Variants in BSPRY observed in about 807,000 individuals in gnomAD.
BSPRY encodes B box and SPRY domain-containing protein.
Under a neutral mutation model 38.0 loss-of-function variants are expected in BSPRY, and 33 were observed. The ratio of observed to expected loss-of-function variants is 0.87; its 90% CI spans 0.66 to 1.16. BSPRY has a LOEUF of 1.16. Ranked by LOEUF, BSPRY falls within the 50% of genes most tolerant of loss-of-function variation. The probability of loss-of-function intolerance (pLI) is 0.00; values close to 1 mark genes in which losing one functional copy is unlikely to be tolerated. For missense variants in BSPRY, 523 were observed against 533.2 expected, an observed-to-expected ratio of 0.98 and a Z score of 0.19; for synonymous variants, 224 against 228.5, an observed-to-expected ratio of 0.98 and a Z score of 0.18.
At chr9:113,364,267 C>T (rs1834208417) in intron 4 of BSPRY, among the ~76,000 whole-genome samples, 1 of 152,218 alleles carries the variant, frequency 6.6e-6, no homozygotes, top group Admixed American at 6.5e-5. Flanking sequence ...TCTGGGACAT[C>T]TTTCCACATC....
At chr9:113,363,750 T>C (rs59285217) in intron 4 of BSPRY, among the ~76,000 whole-genome samples, 19,869 of 150,842 alleles carry the variant, frequency 0.13, 3,091 homozygotes, top group African/African-American at 0.38. Context: ...TGGTGGTGTG[T>C]GCCTGTAGTC....
chr9:113,365,490 C>T (rs1201998639), intron 4 of BSPRY, among the ~76,000 whole-genome samples: 1 of 152,176 alleles, frequency 6.6e-6, no homozygotes, highest in African/African-American at 2.4e-5. Flanking sequence ...TTGAAAAGTT[C>T]CCATCATTCT....
chr9:113,366,842 A>G (rs749808906), intron 4 of BSPRY, among the ~76,000 whole-genome samples: 1 of 152,252 alleles, frequency 6.6e-6, no homozygotes, highest in Non-Finnish European at 1.5e-5. Flanking sequence ...GAACAGTGAC[A>G]GTCTTGCAAA....
At chr9:113,354,888 G>A (rs890191863) in intron 2 of BSPRY, among the ~76,000 whole-genome samples, 9 of 151,886 alleles carry the variant, frequency 5.9e-5, no homozygotes, top group African/African-American at 1.7e-4. Flanking sequence ...TTTTGAGATG[G>A]GGCCTCACTC....
At chr9:113,362,495 G>C in intron 4 of BSPRY, 101 bp downstream of exon 4, 3 of 1,302,244 alleles carry the variant, frequency 2.3e-6, no homozygotes, top group Admixed American at 1.7e-5. Context: ...AGAATGCACA[G>C]GGTGTGCAGC....
At chr9:113,367,590 C>T (rs753810716) in intron 4 of BSPRY, among the ~76,000 whole-genome samples, 20 of 152,300 alleles carry the variant, frequency 1.3e-4, no homozygotes, top group Non-Finnish European at 2.4e-4. Flanking sequence ...GAAAGACTAT[C>T]GTGCAGGGGT....
At position 113,369,659 on chromosome 9, in the gene BSPRY, C is replaced by T. The variant is rs1395158742; in HGVS notation, c.726C>T (p.Phe242=). 2 of 1,614,004 alleles carry T rather than the reference C, an allele frequency of 1.2e-6. No individual in the cohort carries two copies. Among genetic ancestry groups the T allele is most frequent in the Non-Finnish European group, 1.7e-6 (2 of 1,179,998 alleles). The change falls in exon 6 of 6, where the codon TTC becomes TTT. Residue 242 remains phenylalanine, a synonymous_variant. Transcript: ENST00000374183. ...IRIDERTVSP[F]LQLSDDRKTL... is the part of the protein sequence containing the mutation. Reference sequence around the variant, plus strand: ...TCGATGAGAGGACAGTCAGCCCCTTCCTGCAATTGTCAGATGATCGAAAGA... The same window carrying T: ...TCGATGAGAGGACAGTCAGCCCCTTTCTGCAATTGTCAGATGATCGAAAGA...
rs1834317089 is a variant in BSPRY at position 113,369,950 on chromosome 9, T to C, written c.1017T>C (p.Asn339=). The C allele has an allele frequency of 1.9e-6, 3 of 1,614,042 alleles. No individual in the cohort carries two copies. Among genetic ancestry groups the C allele is most frequent in the Admixed American group, 1.7e-5 (1 of 60,004 alleles). The change falls in exon 6 of 6, where the codon AAT becomes AAC. Residue 339 remains asparagine (N), a synonymous_variant. Coordinates refer to ENST00000374183, the MANE Select transcript of BSPRY (RefSeq NM_017688.3). ...ATCAGGAGTTTCGTTTCTCACACAA[T>C]GGGCAGCACGAGCCCCTGGGGCTGC... ...RYDQEFRFSH[N]GQHEPLGLLR...
In BSPRY at chr9:113,369,759, C is replaced by G; in HGVS notation, c.826C>G (p.Leu276Val). Residue 276 changes from leucine (L) to valine (V), a missense_variant, in exon 6 of 6, where the codon CTG becomes GTG. Physicochemically the swap from Leu to Val is conservative, Grantham distance 32 (BLOSUM62 1). Transcript: ENST00000374183. ...GCGCTTCGACCACTGGCCCAATGCC[C>G]TGGCTGCCACCTCCTTCCAGAATGG... The part of the protein sequence containing the change: ...PERFDHWPNA[L>V]AATSFQNGLH... 6.2e-7 allele frequency: 1 copy of G among 1,614,268 alleles called. No homozygotes were observed. The highest frequency in any genetic ancestry group is 8.5e-7 in the Non-Finnish European group (1 of 1,180,048).
chr9:113,359,339 A>G (rs1366998330), intron 2 of BSPRY, among the ~76,000 whole-genome samples: 1 of 152,214 alleles, frequency 6.6e-6, no homozygotes, highest in Non-Finnish European at 1.5e-5. Flanking sequence ...CCTCAAGAGC[A>G]CACTATAAAC....
In BSPRY at chr9:113,370,278, G is replaced by A. The variant is rs1374332569; in HGVS notation, c.*136G>A. 1.1e-5 allele frequency: 12 copies of A among 1,080,208 alleles called. No homozygotes were observed. The highest frequency in any genetic ancestry group is 2.6e-5 in the East Asian group (1 of 38,176). The allele number at this position is 1,080,208 out of a possible 1,614,324, so 66.9% of individuals were successfully genotyped here. A position where few individuals can be genotyped will look rare whatever the true frequency, so the allele number is the denominator to read the frequency against. On this transcript the variant is annotated 3_prime_UTR_variant, in exon 6 of 6. Transcript: ENST00000374183. The surrounding 1 kb of genome is among the most constrained non-coding windows in gnomAD (Gnocchi z 4.8). ...CCATAACCAGTGGGCAGCTTTAGGA[G>A]GGATGGGGATCTGTTTCAGATCTAG... is the stretch of plus-strand genomic sequence containing the variant.
intron 4 of BSPRY, among the ~76,000 whole-genome samples, chr9:113,364,589 G>A (rs1042862330): frequency 5.9e-5 from 9 of 151,808 alleles, no homozygotes; most frequent in South Asian, 2.1e-4. Context: ...CGAGCTTCAC[G>A]TAGAAAATAT....
rs1480517867 is a variant in BSPRY at position 113,370,102 on chromosome 9, T to C, written c.1169T>C (p.Val390Ala). 6.2e-7 allele frequency: 1 copy of C among 1,602,370 alleles called. No homozygotes were observed. The highest frequency in any genetic ancestry group is 8.5e-7 in the Non-Finnish European group (1 of 1,174,384). ...TCCTTCCCGGGGCCCCTCTTCCCAG[T>C]CTTTGCTGTGGCCGATCAGACCATT... ...HVSFPGPLFP[V>A]FAVADQTISI... Residue 390 changes from valine to alanine, a missense_variant, in exon 6 of 6, where the codon GTC becomes GCC. Coordinates refer to ENST00000374183, the MANE Select transcript of BSPRY (RefSeq NM_017688.3). This position sits in a 1 kb window ranked among gnomAD's most constrained non-coding sequence, Gnocchi z 4.8.
At chr9:113,362,419 C>T in intron 4 of BSPRY, 25 bp downstream of exon 4, 3 of 1,613,006 alleles carry the variant, frequency 1.9e-6, no homozygotes, top group South Asian at 2.2e-5. Context: ...CGTGATTTGA[C>T]TGGGTAGTCT....
chr9:113,368,460 C>T (rs1474334242), intron 5 of BSPRY, 77 bp downstream of exon 5: 1 of 1,540,078 alleles, frequency 6.5e-7, no homozygotes, highest in East Asian at 2.3e-5. Flanking sequence ...TCCTGGTTCA[C>T]AATGGGGACC....
intron 1 of BSPRY, 81 bp from the exon 2 acceptor site, chr9:113,354,159 G>T (rs1037511315): frequency 1.7e-6 from 2 of 1,183,520 alleles, no homozygotes; most frequent in East Asian, 4.8e-5. Context: ...CTGACATGTG[G>T]TAACAGGAGA....
chr9:113,361,539 A>G (rs540567092), intron 3 of BSPRY, among the ~76,000 whole-genome samples: 44 of 152,192 alleles, frequency 2.9e-4, no homozygotes, highest in Non-Finnish European at 5.9e-4. Flanking sequence ...AGAGGAACTC[A>G]CCCATGCTAG....
At chr9:113,362,172 T>TGG (rs1036207676) in intron 3 of BSPRY, among the ~76,000 whole-genome samples, 197 bp from the exon 4 acceptor site, 13 of 133,382 alleles carry the variant, frequency 9.7e-5, no homozygotes, top group Admixed American at 2.5e-4. Flanking sequence ...GCATGTGTTA[T>TGG]GGGTGTGTGT....
chr9:113,368,057 C>T (rs995985863), intron 4 of BSPRY, among the ~76,000 whole-genome samples: 1 of 152,140 alleles, frequency 6.6e-6, no homozygotes, highest in Non-Finnish European at 1.5e-5. Context: ...TCTCAAACTC[C>T]TGGGCTCAAG....
Sources: allele counts gnomAD v4.1 joint callset (sites outside exome capture counted in the v4.1 genomes callset), GRCh38; gene constraint gnomAD v4.1.1; non-coding constraint Gnocchi (gnomAD v3.1); transcripts MANE v1.5; gene names NCBI Gene and HGNC (gene_info 2026-07-23, HGNC 2026-07-21).